The following ARL8B variants were observed in gnomAD, a reference collection of about 807,000 sequenced individuals.
The protein encoded by ARL8B is ADP-ribosylation factor-like protein 8B.
Under a neutral mutation model 30.6 loss-of-function variants are expected in ARL8B, and 9 were observed. That is an observed-to-expected ratio of 0.29 (90% CI 0.18 to 0.51). The LOEUF (loss-of-function observed/expected upper bound fraction) is 0.51. Among genes scored for constraint, ARL8B ranks in the 20% least tolerant of loss-of-function variants. The pLI is 0.97. For synonymous variants in ARL8B, 74 were observed against 76.0 expected (o/e 0.97, Z 0.14); for missense variants, 130 against 227.2 (o/e 0.57, Z 2.75).
chr3:5,162,294 T>C (rs1387613185), intron 1 of ARL8B, among the ~76,000 whole-genome samples: 5 of 152,250 alleles, frequency 3.3e-5, no homozygotes, highest in Non-Finnish European at 5.9e-5. Flanking sequence ...CCACAGTCAG[T>C]CCATTTGGAT....
chr3:5,173,783 T>G (rs777552452), intron 4 of ARL8B, among the ~76,000 whole-genome samples: 7 of 152,200 alleles, frequency 4.6e-5, no homozygotes, highest in Admixed American at 2.0e-4. Flanking sequence ...TCAGACTATT[T>G]TACATAGCAG....
At chr3:5,144,336 C>G (rs1452300840) in intron 1 of ARL8B, among the ~76,000 whole-genome samples, 2 of 152,194 alleles carry the variant, frequency 1.3e-5, no homozygotes, top group African/African-American at 2.4e-5. Context: ...TTGAAATGGT[C>G]TTAGTCTGGG....
intron 1 of ARL8B, among the ~76,000 whole-genome samples, chr3:5,137,449 T>C (rs1476135137): frequency 6.6e-6 from 1 of 150,552 alleles, no homozygotes; most frequent in Non-Finnish European, 1.5e-5. Context: ...TTTTTTTTTT[T>C]TTTTTTGAGA....
At chr3:5,130,906 G>A (rs1410770828) in intron 1 of ARL8B, among the ~76,000 whole-genome samples, 1 of 151,866 alleles carries the variant, frequency 6.6e-6, no homozygotes, top group Non-Finnish European at 1.5e-5. Context: ...ACATAGTTAG[G>A]CCTGCCTTTT....
chr3:5,128,408 A>G (rs1488918909), intron 1 of ARL8B: 2 of 450,916 alleles, frequency 4.4e-6, no homozygotes, highest in Non-Finnish European at 8.9e-6. Flanking sequence ...TCTACCTTCC[A>G]TAAAGTTTTC....
At chr3:5,148,369 G>A (rs2054448581) in intron 1 of ARL8B, among the ~76,000 whole-genome samples, 1 of 152,168 alleles carries the variant, frequency 6.6e-6, no homozygotes, top group Admixed American at 6.5e-5. Flanking sequence ...GAAGTTCTCA[G>A]TATCCCTCTT....
intron 1 of ARL8B, among the ~76,000 whole-genome samples, chr3:5,146,760 A>G (rs1326249404): frequency 2.0e-5 from 3 of 152,160 alleles, no homozygotes; most frequent in African/African-American, 4.8e-5. Flanking sequence ...TCTGGTCCCA[A>G]TCTAATTAAC....
Position 5,122,385 on chromosome 3 carries a change from G to C in ARL8B, c.-81G>C, listed in dbSNP as rs1371695376. The C allele has an allele frequency of 2.4e-5, 38 of 1,595,152 alleles. No individual in the cohort carries two copies. The highest frequency in any genetic ancestry group is 3.2e-5 in the Non-Finnish European group (37 of 1,172,378). Reference sequence around the variant, plus strand: ...GCACCAAGGAGCCGTTGGAGGGTCCGGGCGGAGGCCCGCTCGTGTGGAAGT... The same window carrying C: ...GCACCAAGGAGCCGTTGGAGGGTCCCGGCGGAGGCCCGCTCGTGTGGAAGT... On this transcript the variant is annotated 5_prime_UTR_variant, in exon 1 of 7. Coordinates refer to ENST00000256496, the MANE Select transcript of ARL8B (RefSeq NM_018184.3).
chr3:5,152,169 A>G (rs2106562964), intron 1 of ARL8B, among the ~76,000 whole-genome samples: 1 of 152,330 alleles, frequency 6.6e-6, no homozygotes, highest in East Asian at 1.9e-4. Context: ...TCTCCCTATC[A>G]ATTAACATGA....
chr3:5,150,661 T>C (rs552236049), intron 1 of ARL8B, among the ~76,000 whole-genome samples: 2 of 152,090 alleles, frequency 1.3e-5, no homozygotes, highest in South Asian at 4.1e-4. Context: ...CACATGCCTG[T>C]AATCCCAGCT....
intron 1 of ARL8B, among the ~76,000 whole-genome samples, chr3:5,146,241 CA>C (rs1475078075): frequency 6.6e-6 from 1 of 152,198 alleles, no homozygotes; most frequent in African/African-American, 2.4e-5. Flanking sequence ...TTAGATCTAC[CA>C]CACTGAACCA....
At chr3:5,129,565 A>G (rs2054263594) in intron 1 of ARL8B, among the ~76,000 whole-genome samples, 1 of 152,066 alleles carries the variant, frequency 6.6e-6, no homozygotes, top group South Asian at 2.1e-4. Flanking sequence ...TTCTGAGACA[A>G]GTTCTTGCTC....
intron 1 of ARL8B, among the ~76,000 whole-genome samples, chr3:5,125,644 T>G (rs1345326032): frequency 1.3e-5 from 2 of 151,990 alleles, no homozygotes; most frequent in African/African-American, 4.8e-5. Context: ...GCTATTCTCG[T>G]GCCTCAGCCT....
chr3:5,132,812 G>A (rs2054294428), intron 1 of ARL8B, among the ~76,000 whole-genome samples: 1 of 152,148 alleles, frequency 6.6e-6, no homozygotes, highest in Non-Finnish European at 1.5e-5. Flanking sequence ...TTATGGTCGG[G>A]TATGTGCCAT....
chr3:5,172,910 T>C (rs1238525401), intron 4 of ARL8B, among the ~76,000 whole-genome samples, 170 bp downstream of exon 4: 1 of 152,216 alleles, frequency 6.6e-6, no homozygotes, highest in Non-Finnish European at 1.5e-5. Context: ...GTGCTAAATA[T>C]GAATCTCATA....
chr3:5,122,751 C>T (rs892315445), intron 1 of ARL8B, among the ~76,000 whole-genome samples, 163 bp downstream of exon 1: 3 of 152,236 alleles, frequency 2.0e-5, no homozygotes, highest in African/African-American at 7.2e-5. Flanking sequence ...TTTGGAATTT[C>T]CCGCGTGTTG....
Position 5,179,843 on chromosome 3 carries a change from T to C in ARL8B, c.*1130T>C, listed in dbSNP as rs2054763047. 6.6e-6 allele frequency: 1 copy of C among 152,646 alleles called. No individual in the cohort carries two copies. Among genetic ancestry groups the C allele is most frequent in the African/African-American group, 2.4e-5 (1 of 41,602 alleles). 9.5% of individuals were successfully genotyped at this position (152,646 alleles called of 1,614,324 possible). On this transcript the variant is annotated 3_prime_UTR_variant, in exon 7 of 7. Coordinates refer to ENST00000256496, the MANE Select transcript of ARL8B (RefSeq NM_018184.3). ...ATCTAATGTAATCATGCTCAATGTC[T>C]ACAGGTTGTTTAATAATCAGTCACA...
At chr3:5,134,418 G>T (rs2054308293) in intron 1 of ARL8B, among the ~76,000 whole-genome samples, 1 of 152,216 alleles carries the variant, frequency 6.6e-6, no homozygotes, top group South Asian at 2.1e-4. Context: ...TGCAGGCTGG[G>T]AAGCCTTTGC....
chr3:5,151,220 CT>C (rs1404947453), intron 1 of ARL8B, among the ~76,000 whole-genome samples: 1 of 151,916 alleles, frequency 6.6e-6, no homozygotes, highest in Non-Finnish European at 1.5e-5. Context: ...TTATTTTGCT[CT>C]TTTTCTAATT....
Sources: gnomAD v4.1 joint callset for allele counts (sites outside exome capture counted in the v4.1 genomes callset) on GRCh38, gnomAD v4.1.1 for gene constraint, MANE v1.5 for transcripts, NCBI Gene and HGNC (gene_info 2026-07-23, HGNC 2026-07-21) for gene names.